HGS: variants seen among roughly 807,000 people sequenced by gnomAD.
HGS encodes human growth factor-regulated tyrosine kinase substrate.
Under a neutral mutation model 109.7 loss-of-function variants are expected in HGS, and 63 were observed. The observed-to-expected ratio is 0.57, with a 90% confidence interval of 0.47 to 0.71. The LOEUF (loss-of-function observed/expected upper bound fraction) is 0.71. HGS is among the 30% of genes least tolerant of loss of function. The probability of loss-of-function intolerance (pLI) is 0.00; values close to 1 mark genes in which losing one functional copy is unlikely to be tolerated. For missense variants in HGS, 995 were observed against 1,068.3 expected (o/e 0.93, Z 0.96); for synonymous variants, 546 against 437.3 (o/e 1.25, Z -3.10).
chr17:81,701,644 A>G lies in HGS; in HGVS notation c.*26A>G, dbSNP rs368766754. On this transcript the variant is annotated 3_prime_UTR_variant, in exon 22 of 22. Coordinates refer to ENST00000329138, the MANE Select transcript of HGS (RefSeq NM_004712.5). The stretch of plus-strand genomic sequence containing the variant: ...CCCAGGCCATGCTCACGTCCGGAGT[A>G]ACACTACATACAGTTCACCTGAAAC... 112 of 1,538,282 alleles carry G rather than the reference A, an allele frequency of 7.3e-5. 1 individual carries two copies. The East Asian group carries it at 1.5e-3, about 20-fold the overall frequency.
chr17:81,685,322 G>A (rs1054939937), intron 1 of HGS, among the ~76,000 whole-genome samples: 5 of 152,176 alleles, frequency 3.3e-5, no homozygotes, highest in African/African-American at 7.2e-5. Flanking sequence ...TGTGACTCAC[G>A]GCAGTGCCCT....
In HGS at chr17:81,701,495, T is replaced by C; in HGVS notation, c.2224-13T>C. 2.6e-6 allele frequency: 4 copies of C among 1,543,530 alleles called. No individual in the cohort carries two copies. The highest frequency in any genetic ancestry group is 3.5e-6 in the Non-Finnish European group (4 of 1,150,162). The stretch of plus-strand genomic sequence containing the variant: ...GGGAGGACCAGGGCCATGCCTGCTT[T>C]CCTCCTGCACAGATGGCACCCTCTG... On this transcript the variant is annotated splice_polypyrimidine_tract_variant and intron_variant, in intron 21 of 21. Transcript: ENST00000329138.
chr17:81,695,149 TTCTC>T lies in HGS; in HGVS notation c.1120-9_1120-6del. The T allele has an allele frequency of 1.2e-6, 2 of 1,614,008 alleles. No individual in the cohort carries two copies. Among genetic ancestry groups the T allele is most frequent in the Middle Eastern group, 1.7e-4 (1 of 6,060 alleles). ...CGGGACAGGTTGGAGGCCCCACTCA[TTCTC>T]TCTCTTCCAGAACCCCCTCCCGGAG... On this transcript the variant is annotated splice_polypyrimidine_tract_variant and intron_variant, in intron 13 of 21. Transcript: ENST00000329138.
Position 81,684,055 on chromosome 17 carries a change from C to A in HGS, c.-12C>A. ...GAGCGCCCGCGGCGTCGGGTTTGGG[C>A]TGGAGGTCGCCATGGGGCGAGGCAG... On this transcript the variant is annotated 5_prime_UTR_variant, in exon 1 of 22. It adds an upstream start codon to the 5' untranslated region. Coordinates refer to ENST00000329138, the MANE Select transcript of HGS (RefSeq NM_004712.5). 1 of 1,593,218 alleles carries A rather than the reference C, an allele frequency of 6.3e-7. No individual in the cohort carries two copies. Among genetic ancestry groups the A allele is most frequent in the Admixed American group, 1.7e-5 (1 of 57,326 alleles).
At chr17:81,698,195 G>A (rs1483309829) in intron 18 of HGS, 1 of 152,252 alleles carries the variant, frequency 6.6e-6, no homozygotes, top group Non-Finnish European at 1.5e-5. Flanking sequence ...CTATTCGGGA[G>A]GCAGAGGCAG....
At chr17:81,693,825 G>A in intron 10 of HGS, 45 bp from the exon 11 acceptor site, 1 of 1,566,196 alleles carries the variant, frequency 6.4e-7, no homozygotes, top group Non-Finnish European at 8.6e-7. Context: ...GGGCCGGAGG[G>A]GCGTCACGTG....
rs2037065739 is a variant in HGS, at chr17:81,691,713, C to G, written c.662+142C>G. The G allele has an allele frequency of 1.8e-6, 2 of 1,130,752 alleles. No individual in the cohort carries two copies. Among genetic ancestry groups the G allele is most frequent in the Non-Finnish European group, 2.5e-6 (2 of 787,040 alleles). 70.0% of individuals were successfully genotyped at this position (1,130,752 alleles called of 1,614,324 possible). A position where few individuals can be genotyped will look rare whatever the true frequency, so the allele number is the denominator to read the frequency against. ...AGCAGCTGGAAGGTCAAGGGAAACC[C>G]AGGGTGGCCGCATGCCCTCGGACCC... On this transcript the variant is annotated intron_variant, in intron 8 of 21. Coordinates refer to ENST00000329138, the MANE Select transcript of HGS (RefSeq NM_004712.5). This position sits in a 1 kb window ranked among gnomAD's most constrained non-coding sequence, Gnocchi z 5.3.
At chr17:81,701,166 C>T in intron 21 of HGS, 35 bp downstream of exon 21, 2 of 1,564,476 alleles carry the variant, frequency 1.3e-6, no homozygotes, top group Non-Finnish European at 1.8e-6. Flanking sequence ...GCGGCACCCG[C>T]AGGGCACCCT....
chr17:81,688,514 C>T lies in HGS; in HGVS notation c.292-190C>T, dbSNP rs118124660. Among the ~76,000 whole-genome samples, 402 of 152,278 alleles carry T rather than the reference C, an allele frequency of 2.6e-3. 15 individuals are homozygous for T. In the East Asian group the frequency reaches 0.066, roughly 25 times the overall value. ...TTTGGCTCCAGCAAGTAGAGGCAGG[C>T]GTGAGGTTTGAACTCAGGGTCTGGG... On this transcript the variant is annotated intron_variant, in intron 4 of 21. Coordinates refer to ENST00000329138, the MANE Select transcript of HGS (RefSeq NM_004712.5).
intron 4 of HGS, 114 bp downstream of exon 4, chr17:81,687,209 T>C (rs1188840330): frequency 4.2e-6 from 3 of 720,628 alleles, no homozygotes; most frequent in South Asian, 1.6e-5. Flanking sequence ...AATGTGCAGG[T>C]GCAGATCGGT....
Position 81,688,718 on chromosome 17 carries a change from A to G in HGS, c.306A>G (p.Val102=). The G allele has an allele frequency of 6.2e-7, 1 of 1,613,974 alleles. No homozygotes were observed. The highest frequency in any genetic ancestry group is 8.5e-7 in the Non-Finnish European group (1 of 1,179,942). Residue 102 remains valine, a synonymous_variant, in exon 5 of 22, where the codon GTA becomes GTG. Transcript: ENST00000329138. ...LKDLLKRQVE[V]NVRNKILYLI... is the part of the protein sequence containing the mutation. ...CCTGCCTGCAGAGACAAGTGGAGGT[A>G]AACGTCCGTAACAAGATCCTGTACC...
intron 18 of HGS, 28 bp from the exon 19 acceptor site, chr17:81,700,439 A>T (rs2037217727): frequency 6.6e-7 from 1 of 1,519,506 alleles, no homozygotes; most frequent in Non-Finnish European, 8.8e-7. Flanking sequence ...CCCTGGCTGA[A>T]CCATCTCCCC....
In HGS at chr17:81,691,595, G is replaced by A. The variant is rs767085468; in HGVS notation, c.662+24G>A. 1 of 1,613,428 alleles carries A rather than the reference G, an allele frequency of 6.2e-7. No individual in the cohort carries two copies. The highest frequency in any genetic ancestry group is 8.5e-7 in the Non-Finnish European group (1 of 1,179,702). On this transcript the variant is annotated intron_variant, in intron 8 of 21. Transcript: ENST00000329138. The surrounding 1 kb of genome is among the most constrained non-coding windows in gnomAD (Gnocchi z 5.3). ...AGGTGAGTCCCCGCCCCCCATTTGG[G>A]CTGCAGGTGGGGCAGGCTCTCCAGG...
rs1037125600 is a variant in HGS at position 81,701,050 on chromosome 17, C to G, written c.2142C>G (p.Leu714=). 2 of 1,613,820 alleles carry G rather than the reference C, an allele frequency of 1.2e-6. No homozygotes were observed. Among genetic ancestry groups the G allele is most frequent in the African/African-American group, 2.7e-5 (2 of 74,948 alleles). Residue 714 remains leucine, a synonymous_variant, in exon 21 of 22, where the codon CTC becomes CTG. Coordinates refer to ENST00000329138, the MANE Select transcript of HGS (RefSeq NM_004712.5). ...MGYQPYNMQN[L]MTTLPSQDAS... ...CTGACGTCTTCTCACAACAGAATCTCATGACCACCCTCCCAAGCCAGGATG... is the reference window on the plus strand; with the variant it reads ...CTGACGTCTTCTCACAACAGAATCTGATGACCACCCTCCCAAGCCAGGATG...
At position 81,695,824 on chromosome 17, in the gene HGS, G is replaced by C. The variant is rs925769449; in HGVS notation, c.1218G>C (p.Glu406Asp). The C allele has an allele frequency of 6.2e-7, 1 of 1,613,448 alleles. No homozygotes were observed. The highest frequency in any genetic ancestry group is 1.3e-5 in the African/African-American group (1 of 74,938). ...ATGGCGAGTCTGAGGAGAGCCACGA[G>C]CAGTTCCTGAAGGCGCTGCAGAACG... ...FHNGESEESH[E>D]QFLKALQNAV... The change falls in exon 15 of 22, where the codon GAG (glutamate) becomes GAC (aspartate). Residue 406 changes from glutamate (E) to aspartate (D), a missense_variant. By Grantham distance (45) the Glu-to-Asp change is conservative. Around this residue, in one of 6 missense-constraint regions of HGS, gnomAD observed 300 missense variants for 235.4 expected, o/e 1.27. Transcript: ENST00000329138.
chr17:81,694,075 G>C (rs927851578), intron 11 of HGS, 110 bp downstream of exon 11: 2 of 923,692 alleles, frequency 2.2e-6, no homozygotes, highest in African/African-American at 3.3e-5. Flanking sequence ...CGGGTCCCCG[G>C]GCTTCCCAGA....
In HGS at chr17:81,691,805, C is replaced by T. The variant is rs953727358; in HGVS notation, c.662+234C>T. On this transcript the variant is annotated intron_variant, in intron 8 of 21. Coordinates refer to ENST00000329138, the MANE Select transcript of HGS (RefSeq NM_004712.5). The surrounding 1 kb of genome is among the most constrained non-coding windows in gnomAD (Gnocchi z 5.3). ...GCGGCTCCAGGGACCGAGGCTGCCC[C>T]GACAAACCTGTTGCTTGGGTTTGGG... 9 of 474,220 alleles carry T rather than the reference C, an allele frequency of 1.9e-5. No individual in the cohort carries two copies. The highest frequency in any genetic ancestry group is 7.7e-5 in the African/African-American group (4 of 51,700). The allele number at this position is 474,220 out of a possible 1,614,324, so 29.4% of individuals were successfully genotyped here.
chr17:81,694,700 G>C (rs2037116514), intron 11 of HGS, 115 bp from the exon 12 acceptor site: 1 of 1,256,088 alleles, frequency 8.0e-7, no homozygotes, highest in East Asian at 2.3e-5. Flanking sequence ...GGCACGGAGG[G>C]AGGGCCCAGG....
At chr17:81,696,082 G>T (rs1867237811) in intron 15 of HGS, 83 bp downstream of exon 15, 7 of 1,247,088 alleles carry the variant, frequency 5.6e-6, no homozygotes, top group Middle Eastern at 2.8e-4. Context: ...TCCCCTGAGG[G>T]TGCTGAGCTC....
Sources: allele counts gnomAD v4.1 joint callset (sites outside exome capture counted in the v4.1 genomes callset), GRCh38; gene constraint gnomAD v4.1.1; regional missense constraint gnomAD v4.1.1; non-coding constraint Gnocchi (gnomAD v3.1); transcripts MANE v1.5; gene names NCBI Gene and HGNC (gene_info 2026-07-23, HGNC 2026-07-21).